AZIN2: variants seen among roughly 807,000 people sequenced by gnomAD.
AZIN2 encodes the protein antizyme inhibitor 2.
Under a neutral mutation model 47.8 loss-of-function variants are expected in AZIN2, and 28 were observed. That is an observed-to-expected ratio of 0.59 (90% CI 0.43 to 0.80). The LOEUF (loss-of-function observed/expected upper bound fraction) is 0.80, where lower values mean the gene tolerates loss of function less well. Ranked by LOEUF, AZIN2 falls within the 30% of genes least tolerant of loss-of-function variation. AZIN2 has a pLI of 0.00. For synonymous variants in AZIN2, 221 were observed against 239.4 expected (o/e 0.92, Z 0.71); for missense variants, 535 against 582.5 (o/e 0.92, Z 0.84).
intron 5 of AZIN2, 23 bp downstream of exon 5, chr1:33,084,150 A>G (rs756654723): frequency 1.2e-6 from 2 of 1,604,160 alleles, no homozygotes; most frequent in South Asian, 2.2e-5. Flanking sequence ...CGCACGGTGC[A>G]CTGACCCTCC....
the AZIN2 span, chr1:33,141,948 T>C: frequency 6.5e-6 from 1 of 153,072 alleles, no homozygotes; most frequent in African/African-American, 2.4e-5. Flanking sequence ...ATAAAAGTAC[T>C]TCCCCCCTCC....
chr1:33,110,196 T>C (rs1176381524), intron 10 of AZIN2, among the ~76,000 whole-genome samples: 6 of 152,220 alleles, frequency 3.9e-5, no homozygotes, highest in Non-Finnish European at 8.8e-5. Context: ...CCAGCCTTCT[T>C]TTGGGCTTAT....
At chr1:33,127,509 C>A (rs1459717246), downstream of AZIN2, among the ~76,000 whole-genome samples, 1 of 152,226 alleles carries the variant, frequency 6.6e-6, no homozygotes, top group East Asian at 1.9e-4. Context: ...GGGGCTCTCA[C>A]GGGAAAGGGG....
At chr1:33,105,607 C>T (rs1643963211) in intron 10 of AZIN2, among the ~76,000 whole-genome samples, 1 of 152,110 alleles carries the variant, frequency 6.6e-6, no homozygotes. Flanking sequence ...CATGAGAACT[C>T]CCTCACTATC....
At chr1:33,126,162 G>C (rs12030445), downstream of AZIN2, among the ~76,000 whole-genome samples, 31,372 of 152,148 alleles carry the variant, frequency 0.21, 3,961 homozygotes, top group South Asian at 0.31. Flanking sequence ...GTTCACTGCT[G>C]GGTCCACAGT....
chr1:33,138,989 G>A, the AZIN2 span, among the ~76,000 whole-genome samples: 1 of 152,336 alleles, frequency 6.6e-6, no homozygotes, highest in African/African-American at 2.4e-5. Flanking sequence ...ATTTGTTTAT[G>A]TGTAAGCAAA....
In AZIN2 at chr1:33,092,136, A is replaced by G. The variant is rs1188231303; in HGVS notation, c.366A>G (p.Lys122=). Residue 122 remains lysine, a synonymous_variant, in exon 6 of 12, where the codon AAA becomes AAG. Coordinates refer to ENST00000294517, the MANE Select transcript of AZIN2 (RefSeq NM_052998.4). Reference sequence around the variant, plus strand: ...CCTGTAAGCAAATTGCACAGATCAAATATGCTGCCAAGCATGGGATCCAGC... The same window carrying G: ...CCTGTAAGCAAATTGCACAGATCAAGTATGCTGCCAAGCATGGGATCCAGC... ...ANPCKQIAQI[K]YAAKHGIQLL... The G allele has an allele frequency of 6.2e-7, 1 of 1,614,090 alleles. No homozygotes were observed. Among genetic ancestry groups the G allele is most frequent in the Non-Finnish European group, 8.5e-7 (1 of 1,180,042 alleles).
rs577209478 is a variant in AZIN2, at chr1:33,120,748, T to G, written c.*566T>G. 6.6e-6 allele frequency among the ~76,000 whole-genome samples: 1 copy of G among 152,296 alleles called. No homozygotes were observed. The highest frequency in any genetic ancestry group is 1.9e-4 in the East Asian group (1 of 5,182). The stretch of plus-strand genomic sequence containing the variant: ...TAAGGAAGGGGCTGCTGTCAGGGAC[T>G]GAGATGGGCAGTTACGTAGCTCATA... On this transcript the variant is annotated 3_prime_UTR_variant, in exon 12 of 12. Transcript: ENST00000294517.
the AZIN2 span, among the ~76,000 whole-genome samples, chr1:33,140,337 T>C: frequency 6.6e-6 from 1 of 152,240 alleles, no homozygotes; most frequent in African/African-American, 2.4e-5. The surrounding 1 kb of genome is among the most constrained non-coding windows in gnomAD (Gnocchi z 4.0). Context: ...TCTGCTTTTT[T>C]TGGTGACCTT....
rs188469627 is a variant in AZIN2 at position 33,109,443 on chromosome 1, C to T, written c.1030-8459C>T. Among the ~76,000 whole-genome samples the T allele has an allele frequency of 5.1e-4, 77 of 152,000 alleles. 1 individual carries two copies. Among genetic ancestry groups the T allele is most frequent in the African/African-American group, 1.7e-3 (69 of 41,460 alleles). ...TCCCAGGCTCAAGCGATTCTCCTGC[C>T]GCAGCCTCTTGAATGGCTGGGATTA... On this transcript the variant is annotated intron_variant, in intron 10 of 11. Transcript: ENST00000294517.
chr1:33,160,475 G>C, the AZIN2 span, among the ~76,000 whole-genome samples: 1 of 152,072 alleles, frequency 6.6e-6, no homozygotes, highest in African/African-American at 2.4e-5. Context: ...CACGATCTCG[G>C]ATCATTGCAA....
intron 10 of AZIN2, among the ~76,000 whole-genome samples, chr1:33,112,770 TTTA>T (rs748182183): frequency 2.0e-5 from 3 of 152,356 alleles, no homozygotes; most frequent in Non-Finnish European, 2.9e-5. Context: ...TGTCATTTGC[TTTA>T]TTATTATTCT....
chr1:33,159,015 ATTTT>A, the AZIN2 span, among the ~76,000 whole-genome samples: 1 of 149,890 alleles, frequency 6.7e-6, no homozygotes, highest in Non-Finnish European at 1.5e-5. The surrounding 1 kb of genome is among the most constrained non-coding windows in gnomAD (Gnocchi z 4.2). Context: ...TAATTTTTGT[ATTTT>A]TTTTTAGTAG....
At chr1:33,085,625 G>A (rs2124469035) in intron 5 of AZIN2, among the ~76,000 whole-genome samples, 1 of 152,334 alleles carries the variant, frequency 6.6e-6, no homozygotes, top group Non-Finnish European at 1.5e-5. Context: ...TGACAGGGCT[G>A]GAGCGACTCC....
intron 4 of AZIN2, chr1:33,083,447 T>A (rs573351465): frequency 1.1e-4 from 22 of 209,280 alleles, no homozygotes; most frequent in Non-Finnish European, 2.2e-4. Context: ...ATTGAGCACC[T>A]GTGTTTGGAA....
At chr1:33,146,986 A>G in the AZIN2 span, 7 of 625,704 alleles carry the variant, frequency 1.1e-5, no homozygotes, top group Admixed American at 1.5e-4. Context: ...GCTACAGAAC[A>G]TCGATGCTGG....
In AZIN2 at chr1:33,108,241, C is replaced by T. The variant is rs1309515752; in HGVS notation, c.1030-9661C>T. Among the ~76,000 whole-genome samples, 42 of 152,070 alleles carry T rather than the reference C, an allele frequency of 2.8e-4. 1 individual carries two copies. The highest frequency in any genetic ancestry group is 2.7e-3 in the Admixed American group (41 of 15,260). The stretch of plus-strand genomic sequence containing the variant: ...ACACAATGGGAAAGGACAGTCTCTT[C>T]CATAAATGGTGTTAGGAAAACTAGA... On this transcript the variant is annotated intron_variant, in intron 10 of 11. Coordinates refer to ENST00000294517, the MANE Select transcript of AZIN2 (RefSeq NM_052998.4).
At position 33,121,923 on chromosome 1, in the gene AZIN2, C is replaced by G. The variant is rs1290276170; in HGVS notation, c.*1741C>G. 1.3e-5 allele frequency among the ~76,000 whole-genome samples: 2 copies of G among 152,166 alleles called. No individual in the cohort carries two copies. Among genetic ancestry groups the G allele is most frequent in the Non-Finnish European group, 2.9e-5 (2 of 68,034 alleles). ...GTTTGGAGTGAACGAGGTGCTTTCT[C>G]AAAGCCAGGGGTGTCTCCCTTTTCC... On this transcript the variant is annotated 3_prime_UTR_variant, in exon 12 of 12. Transcript: ENST00000294517.
chr1:33,119,867 G>T, intron 11 of AZIN2, 177 bp from the exon 12 acceptor site: 1 of 712,394 alleles, frequency 1.4e-6, no homozygotes, highest in South Asian at 1.9e-5. Context: ...GTTGAGGGGT[G>T]GGGACCACAC....
Sources: gnomAD v4.1 joint callset for allele counts (sites outside exome capture counted in the v4.1 genomes callset) on GRCh38, gnomAD v4.1.1 for gene constraint, Gnocchi (gnomAD v3.1) non-coding constraint, MANE v1.5 for transcripts, NCBI Gene and HGNC (gene_info 2026-07-23, HGNC 2026-07-21) for gene names.